Variants in PPP1R12B observed in about 807,000 individuals in gnomAD.
PPP1R12B encodes protein phosphatase 1 regulatory subunit 12B, also known as myosin phosphatase target subunit 2.
PPP1R12B carries 76 observed loss-of-function variants against 126.1 expected under a neutral mutation model. The observed-to-expected ratio is 0.60, with a 90% CI of 0.50 to 0.73. The LOEUF is 0.73. Among genes scored for constraint, PPP1R12B ranks in the 30% least tolerant of loss-of-function variants. PPP1R12B has a pLI of 0.00. For missense variants in PPP1R12B, 1,052 were observed against 1,205.1 expected (o/e 0.87, Z 1.88); for synonymous variants, 356 against 434.7 (o/e 0.82, Z 2.25).
chr1:202,446,205 A>G (rs1236544493), intron 12 of PPP1R12B, among the ~76,000 whole-genome samples: 1 of 126,328 alleles, frequency 7.9e-6, no homozygotes, highest in African/African-American at 2.7e-5. Context: ...TTATTACTAT[A>G]TTATATTACT....
At chr1:202,466,983 T>TAGAC (rs984177168) in intron 13 of PPP1R12B, among the ~76,000 whole-genome samples, 9 of 152,162 alleles carry the variant, frequency 5.9e-5, no homozygotes, top group African/African-American at 2.2e-4. Context: ...CACCAAGTCT[T>TAGAC]GTCTGTCATT....
intron 18 of PPP1R12B, among the ~76,000 whole-genome samples, chr1:202,551,709 T>G (rs1327321963): frequency 6.6e-6 from 1 of 152,202 alleles, no homozygotes; most frequent in East Asian, 1.9e-4. Context: ...GCTAATCACA[T>G]GAGCCTGTGA....
chr1:202,562,576 C>T (rs1256330997), intron 19 of PPP1R12B: 1 of 743,258 alleles, frequency 1.3e-6, no homozygotes, highest in Non-Finnish European at 2.5e-6. Context: ...TGATGGTCAG[C>T]CTCCCTCTCC....
At chr1:202,389,691 A>C (rs1251901356) in intron 1 of PPP1R12B, among the ~76,000 whole-genome samples, 2 of 152,044 alleles carry the variant, frequency 1.3e-5, no homozygotes, top group Non-Finnish European at 2.9e-5. Context: ...GCACTTTGGG[A>C]GGCCAAGGCG....
intron 23 of PPP1R12B, among the ~76,000 whole-genome samples, chr1:202,572,683 A>T (rs759907535): frequency 6.6e-6 from 1 of 152,176 alleles, no homozygotes; most frequent in Non-Finnish European, 1.5e-5. Flanking sequence ...TCCACTCAGC[A>T]TCAGCCTCCT....
At chr1:202,566,280 C>G (rs144672135) in intron 21 of PPP1R12B, among the ~76,000 whole-genome samples, 522 of 152,348 alleles carry the variant, frequency 3.4e-3, no homozygotes, top group Non-Finnish European at 5.5e-3. Context: ...AGCATTTACT[C>G]TCTGGCCCAC....
At chr1:202,409,497 A>G (rs1443842770) in intron 1 of PPP1R12B, among the ~76,000 whole-genome samples, 2 of 151,214 alleles carry the variant, frequency 1.3e-5, no homozygotes, top group Non-Finnish European at 3.0e-5. Context: ...AATTTTTTGT[A>G]TTTTAGTAGA....
chr1:202,427,029 T>C lies in PPP1R12B; in HGVS notation c.702-11T>C, dbSNP rs1353123985. 2 of 1,607,372 alleles carry C rather than the reference T, an allele frequency of 1.2e-6. No homozygotes were observed. Among genetic ancestry groups the C allele is most frequent in the South Asian group, 2.2e-5 (2 of 89,530 alleles). ...AGAAGATATATGTCTTGTTTTGGGT[T>C]TTCTTTTTAGACTTTTAATTCAGGC... On this transcript the variant is annotated splice_polypyrimidine_tract_variant and intron_variant, in intron 4 of 23. Transcript: ENST00000608999.
intron 1 of PPP1R12B, among the ~76,000 whole-genome samples, chr1:202,360,658 G>A (rs1413737779): frequency 2.0e-5 from 3 of 151,122 alleles, no homozygotes; most frequent in Non-Finnish European, 2.9e-5. Flanking sequence ...GCAGTGAGCC[G>A]AGATTGCACC....
chr1:202,389,092 C>T (rs1663642853), intron 1 of PPP1R12B, among the ~76,000 whole-genome samples: 1 of 152,092 alleles, frequency 6.6e-6, no homozygotes, highest in South Asian at 2.1e-4. Context: ...CCCCCTAACT[C>T]TCACCATCTG....
chr1:202,507,796 G>A (rs10920414), intron 18 of PPP1R12B, among the ~76,000 whole-genome samples: 65,879 of 152,042 alleles, frequency 0.43, 15,641 homozygotes, highest in East Asian at 0.71. Flanking sequence ...CTTTCAGTTG[G>A]AGTCTAAGAG....
chr1:202,527,550 A>G (rs1465165483), intron 18 of PPP1R12B: 1 of 152,242 alleles, frequency 6.6e-6, no homozygotes, highest in Admixed American at 6.5e-5. Flanking sequence ...GAGCAACTTT[A>G]TGACAATAAG....
rs1477081916 is a variant in PPP1R12B at position 202,428,934 on chromosome 1, G to C, written c.921+5G>C. The C allele has an allele frequency of 1.9e-6, 3 of 1,597,090 alleles. No homozygotes were observed. Among genetic ancestry groups the C allele is most frequent in the Admixed American group, 1.8e-5 (1 of 54,866 alleles). On this transcript the variant is annotated splice_donor_5th_base_variant and intron_variant, in intron 6 of 23. Transcript: ENST00000608999. ...CTCCAGAAGAAGCAGAATGTGGTGA[G>C]TTTCTGATTGGTGCTTTCAAAAGTT...
chr1:202,417,345 C>T (rs1373970147), intron 2 of PPP1R12B: 1 of 985,288 alleles, frequency 1.0e-6, no homozygotes, highest in Non-Finnish European at 1.2e-6. Flanking sequence ...ATACCAGTCA[C>T]AGCACTCGTG....
chr1:202,428,897 C>G lies in PPP1R12B; in HGVS notation c.889C>G (p.His297Asp). ...FDVADEGLVE[H>D]LELLQKKQNV... ...TGTGGCTGATGAGGGTCTCGTGGAG[C>G]ATTTGGAGTTGCTCCAGAAGAAGCA... is the stretch of plus-strand genomic sequence containing the variant. Residue 297 changes from histidine (H) to aspartate (D), a missense_variant, in exon 6 of 24, where the codon CAT becomes GAT. His to Asp is a moderately conservative substitution (Grantham distance 81, BLOSUM62 -1). Coordinates refer to ENST00000608999, the MANE Select transcript of PPP1R12B (RefSeq NM_002481.4). 6.2e-7 allele frequency: 1 copy of G among 1,607,778 alleles called. No homozygotes were observed. The highest frequency in any genetic ancestry group is 8.5e-7 in the Non-Finnish European group (1 of 1,177,612).
At chr1:202,543,337 C>T (rs1208500846) in intron 18 of PPP1R12B, among the ~76,000 whole-genome samples, 1 of 152,114 alleles carries the variant, frequency 6.6e-6, no homozygotes, top group African/African-American at 2.4e-5. Flanking sequence ...AGTGCATGTC[C>T]TCACCAGCCA....
chr1:202,358,160 G>A (rs1047764648), intron 1 of PPP1R12B, among the ~76,000 whole-genome samples: 5 of 152,144 alleles, frequency 3.3e-5, no homozygotes, highest in Non-Finnish European at 5.9e-5. Flanking sequence ...ATGTCATATA[G>A]GACAAGGAAT....
chr1:202,498,584 T>G (rs1679842330), intron 18 of PPP1R12B, among the ~76,000 whole-genome samples: 1 of 152,224 alleles, frequency 6.6e-6, no homozygotes, highest in South Asian at 2.1e-4. Flanking sequence ...GAGCACTCTC[T>G]CCTAATGCTA....
At chr1:202,571,748 G>A (rs1299812509) in intron 23 of PPP1R12B, among the ~76,000 whole-genome samples, 4 of 152,058 alleles carry the variant, frequency 2.6e-5, no homozygotes, top group Non-Finnish European at 4.4e-5. Flanking sequence ...GAGCCATCGC[G>A]TCTGGCCAGG....
Sources: gnomAD v4.1 joint callset for allele counts (sites outside exome capture counted in the v4.1 genomes callset) on GRCh38, gnomAD v4.1.1 for gene constraint, MANE v1.5 for transcripts, NCBI Gene and HGNC (gene_info 2026-07-23, HGNC 2026-07-21) for gene names.